DUSP15: variants seen among roughly 807,000 people sequenced by gnomAD.
The protein encoded by DUSP15 is dual specificity phosphatase 15.
In DUSP15, 23 loss-of-function variants were observed where a neutral mutation model predicts 26.3. That is an observed-to-expected ratio of 0.87 (90% CI 0.63 to 1.24). The LOEUF (loss-of-function observed/expected upper bound fraction) is 1.24, where lower values mean the gene tolerates loss of function less well. DUSP15 is among the 50% of genes most tolerant of loss of function. The probability of loss-of-function intolerance (pLI) is 0.00; values close to 1 mark genes in which losing one functional copy is unlikely to be tolerated. For missense variants in DUSP15, 364 were observed against 320.6 expected (o/e 1.14, Z -1.03); for synonymous variants, 143 against 135.5 (o/e 1.06, Z -0.39).
At chr20:31,867,933 T>C (rs1314789746) in intron 2 of DUSP15, among the ~76,000 whole-genome samples, 3 of 151,946 alleles carry the variant, frequency 2.0e-5, no homozygotes, top group Non-Finnish European at 4.4e-5. Flanking sequence ...GCGTGAGCCA[T>C]CGTGCCCGGC....
intron 6 of DUSP15, 36 bp from the exon 7 acceptor site, chr20:31,861,711 C>A (rs752270638): frequency 2.3e-6 from 1 of 430,084 alleles, no homozygotes; most frequent in South Asian, 2.3e-5. Context: ...GGGTCAAGGC[C>A]GGCGCGGGGC....
Position 31,863,081 on chromosome 20 carries a change from G to C in DUSP15, c.264-339C>G, listed in dbSNP as rs369050642. Among the ~76,000 whole-genome samples, 17 of 152,268 alleles carry C rather than the reference G, an allele frequency of 1.1e-4. No individual in the cohort carries two copies. In the East Asian group the frequency reaches 1.9e-3, roughly 17 times the overall value. On this transcript the variant is annotated intron_variant, in intron 5 of 6. Transcript: ENST00000339738. ...CTGGAGCTTACAGTATGGCTGGGGGGGGGGGACAGACGTTGATCAGATAAT... is the reference window on the plus strand; with the variant it reads ...CTGGAGCTTACAGTATGGCTGGGGGCGGGGGACAGACGTTGATCAGATAAT...
intron 6 of DUSP15, among the ~76,000 whole-genome samples, chr20:31,851,476 TGAATGTG>T (rs763245975): frequency 2.0e-5 from 3 of 151,094 alleles, no homozygotes; most frequent in Non-Finnish European, 4.4e-5. Flanking sequence ...GACAAAGGAA[TGAATGTG>T]GAGAAGATGG....
downstream of DUSP15, among the ~76,000 whole-genome samples, chr20:31,858,650 A>G (rs528336176): frequency 6.6e-6 from 1 of 152,246 alleles, no homozygotes; most frequent in South Asian, 2.1e-4. This position sits in a 1 kb window ranked among gnomAD's most constrained non-coding sequence, Gnocchi z 4.4. Flanking sequence ...GCCGGCCCCC[A>G]TGAGCATCCA....
chr20:31,850,350 G>A lies in DUSP15; in HGVS notation c.491+262C>T, dbSNP rs573434633. Among the ~76,000 whole-genome samples, 8 of 152,354 alleles carry A rather than the reference G, an allele frequency of 5.3e-5. No individual in the cohort carries two copies. In the East Asian group the frequency reaches 9.6e-4, roughly 18 times the overall value. ...GAGCTTTCCCAGGGTTACCAGCTGTGTGACCTCAGGCAAGGTTCTTAACCT... is the reference window on the plus strand; with the variant it reads ...GAGCTTTCCCAGGGTTACCAGCTGTATGACCTCAGGCAAGGTTCTTAACCT... On this transcript the variant is annotated intron_variant, in intron 7 of 9. Transcript: ENST00000278979.
In DUSP15 at chr20:31,861,303, G is replaced by C. The variant is rs1301672699; in HGVS notation, c.*100C>G. 1.5e-6 allele frequency: 2 copies of C among 1,371,818 alleles called. No individual in the cohort carries two copies. Among genetic ancestry groups the C allele is most frequent in the Non-Finnish European group, 1.9e-6 (2 of 1,069,300 alleles). 85.0% of individuals were successfully genotyped at this position (1,371,818 alleles called of 1,614,324 possible). A position where few individuals can be genotyped will look rare whatever the true frequency, so the allele number is the denominator to read the frequency against. The stretch of plus-strand genomic sequence containing the variant: ...GAGGCAGGGTTCAGGCCGCCGCGGG[G>C]CTCCCCCAGCCTCTGGGCCCGTCCT... On this transcript the variant is annotated 3_prime_UTR_variant, in exon 7 of 7. Transcript: ENST00000339738.
intron 6 of DUSP15, among the ~76,000 whole-genome samples, chr20:31,852,867 C>G (rs2062496975): frequency 6.6e-6 from 1 of 152,202 alleles, no homozygotes; most frequent in Non-Finnish European, 1.5e-5. Context: ...TCTTGCAGCC[C>G]AGAAGGTGGC....
In DUSP15 at chr20:31,861,299, C is replaced by T; in HGVS notation, c.*104G>A. 1 of 1,371,346 alleles carries T rather than the reference C, an allele frequency of 7.3e-7. No homozygotes were observed. The allele number at this position is 1,371,346 out of a possible 1,614,324, so 84.9% of individuals were successfully genotyped here. On this transcript the variant is annotated 3_prime_UTR_variant, in exon 7 of 7. Coordinates refer to ENST00000339738, the MANE Select transcript of DUSP15 (RefSeq NM_080611.5). Reference sequence around the variant, plus strand: ...GCGGGAGGCAGGGTTCAGGCCGCCGCGGGGCTCCCCCAGCCTCTGGGCCCG... The same window carrying T: ...GCGGGAGGCAGGGTTCAGGCCGCCGTGGGGCTCCCCCAGCCTCTGGGCCCG...
chr20:31,858,334 A>G (rs1395490018), downstream of DUSP15, among the ~76,000 whole-genome samples: 1 of 151,844 alleles, frequency 6.6e-6, no homozygotes, highest in Non-Finnish European at 1.5e-5. The surrounding 1 kb of genome is among the most constrained non-coding windows in gnomAD (Gnocchi z 4.4). Flanking sequence ...GCCGTCGGGG[A>G]CCTTTCCTTC....
At position 31,870,367 on chromosome 20, in the gene DUSP15, C is replaced by A. The variant is rs760224674; in HGVS notation, c.-30G>T. On this transcript the variant is annotated 5_prime_UTR_variant, in exon 1 of 7. Coordinates refer to ENST00000339738, the MANE Select transcript of DUSP15 (RefSeq NM_080611.5). The surrounding 1 kb of genome is among the most constrained non-coding windows in gnomAD (Gnocchi z 6.6). ...CCGGGGGCGGCGGTCCGGGTGCACC[C>A]CCAGCTCGCCGCCCGGGAAGCGATC... The A allele has an allele frequency of 7.8e-7, 1 of 1,280,284 alleles. No individual in the cohort carries two copies. Among genetic ancestry groups the A allele is most frequent in the East Asian group, 2.9e-5 (1 of 34,420 alleles). The allele number at this position is 1,280,284 out of a possible 1,614,324, so 79.3% of individuals were successfully genotyped here. A position where few individuals can be genotyped will look rare whatever the true frequency, so the allele number is the denominator to read the frequency against.
chr20:31,850,013 A>T, intron 7 of DUSP15: 2 of 953,602 alleles, frequency 2.1e-6, no homozygotes, highest in South Asian at 3.7e-5. Context: ...CTCTCTCCCT[A>T]TCAGTGATGA....
In DUSP15 at chr20:31,870,257, G is replaced by A; in HGVS notation, c.21+60C>T. Reference sequence around the variant, plus strand: ...AGAGGCGGGCGGACCGAGCTGGTCAGCGCCGGGCCGCGGCGGCCGGGGCGG... The same window carrying A: ...AGAGGCGGGCGGACCGAGCTGGTCAACGCCGGGCCGCGGCGGCCGGGGCGG... On this transcript the variant is annotated intron_variant, in intron 1 of 6. Transcript: ENST00000339738. This position sits in a 1 kb window ranked among gnomAD's most constrained non-coding sequence, Gnocchi z 6.6. 1 of 1,226,034 alleles carries A rather than the reference G, an allele frequency of 8.2e-7. No homozygotes were observed. Among genetic ancestry groups the A allele is most frequent in the Non-Finnish European group, 1.0e-6 (1 of 984,174 alleles). The allele number at this position is 1,226,034 out of a possible 1,614,324, so 75.9% of individuals were successfully genotyped here.
chr20:31,852,804 T>G (rs995660386), intron 6 of DUSP15, among the ~76,000 whole-genome samples: 14 of 152,016 alleles, frequency 9.2e-5, no homozygotes, highest in African/African-American at 3.4e-4. Flanking sequence ...AGAGCGAAAC[T>G]CCGTCTCAAA....
At chr20:31,866,955 A>G in intron 3 of DUSP15, 116 bp downstream of exon 3, 1 of 1,063,856 alleles carries the variant, frequency 9.4e-7, no homozygotes, top group Admixed American at 2.4e-5. Context: ...GGTGGAGACC[A>G]AATGAGTTAA....
downstream of DUSP15, among the ~76,000 whole-genome samples, chr20:31,860,494 G>A (rs952866960): frequency 6.6e-6 from 1 of 152,180 alleles, no homozygotes; most frequent in African/African-American, 2.4e-5. Flanking sequence ...GCTGGGGGTG[G>A]AGCCTCCTTG....
intron 4 of DUSP15, 86 bp from the exon 5 acceptor site, chr20:31,864,067 A>G: frequency 6.3e-7 from 1 of 1,591,938 alleles, no homozygotes; most frequent in South Asian, 1.1e-5. Flanking sequence ...ACAGGATAGC[A>G]AGGGACATAG....
At chr20:31,849,043 AGGC>A (rs1338670147) in intron 8 of DUSP15, 2 of 673,848 alleles carry the variant, frequency 3.0e-6, no homozygotes, top group Non-Finnish European at 5.1e-6. Context: ...CCTGTACCCT[AGGC>A]CCACTTCCAC....
chr20:31,863,486 G>A (rs1336760784), intron 5 of DUSP15: 2 of 162,946 alleles, frequency 1.2e-5, no homozygotes, highest in Non-Finnish European at 2.7e-5. Context: ...ACTGAGCGAG[G>A]GGCACCTGGG....
chr20:31,853,546 G>T (rs1486558302), intron 6 of DUSP15, among the ~76,000 whole-genome samples: 1 of 151,920 alleles, frequency 6.6e-6, no homozygotes, highest in Non-Finnish European at 1.5e-5. Flanking sequence ...AATTAGCCAG[G>T]TGTGGTAGTA....
Sources: allele counts gnomAD v4.1 joint callset (sites outside exome capture counted in the v4.1 genomes callset), GRCh38; gene constraint gnomAD v4.1.1; non-coding constraint Gnocchi (gnomAD v3.1); transcripts MANE v1.5; gene names NCBI Gene and HGNC (gene_info 2026-07-23, HGNC 2026-07-21).